The following SLC44A5 variants were observed in gnomAD, a reference collection of about 807,000 sequenced individuals.
SLC44A5 encodes solute carrier family 44 member 5.
SLC44A5 carries 57 observed loss-of-function variants against 101.8 expected under a neutral mutation model. That is an observed-to-expected ratio of 0.56 (90% CI 0.45 to 0.70). The LOEUF is 0.70. Among genes scored for constraint, SLC44A5 ranks in the 30% least tolerant of loss-of-function variants. The pLI is 0.00. For synonymous variants in SLC44A5, 281 were observed against 290.9 expected (o/e 0.97, Z 0.35); for missense variants, 737 against 853.1 (o/e 0.86, Z 1.70).
chr1:75,547,049 T>C (rs1177318804), intron 1 of SLC44A5, among the ~76,000 whole-genome samples: 1 of 152,172 alleles, frequency 6.6e-6, no homozygotes, highest in Non-Finnish European at 1.5e-5. Flanking sequence ...TCATGTTTTA[T>C]GAAAAGTTTA....
chr1:75,269,935 T>C (rs1651328470), intron 6 of SLC44A5, among the ~76,000 whole-genome samples: 1 of 152,176 alleles, frequency 6.6e-6, no homozygotes, highest in Non-Finnish European at 1.5e-5. Context: ...GTTTCTCCCA[T>C]GCAGTTCTGT....
At chr1:75,273,910 C>A (rs1405262452) in intron 6 of SLC44A5, among the ~76,000 whole-genome samples, 3 of 151,984 alleles carry the variant, frequency 2.0e-5, no homozygotes, top group Non-Finnish European at 4.4e-5. Context: ...TAGGAGGAGC[C>A]CCTCTTTCTC....
the SLC44A5 span, among the ~76,000 whole-genome samples, chr1:75,648,002 G>A: frequency 2.0e-5 from 3 of 152,178 alleles, no homozygotes; most frequent in African/African-American, 2.4e-5. Context: ...GATTTGGGAT[G>A]AGCCAGGAGT....
chr1:75,541,506 T>C lies in SLC44A5; in HGVS notation c.-59A>G. On this transcript the variant is annotated 5_prime_UTR_variant, in exon 2 of 24. Transcript: ENST00000370859. The stretch of plus-strand genomic sequence containing the variant: ...TGAATCACTGCAAACTTGAGTTGCT[T>C]AGAAAAGAGTCTGTGATAAAAACAA... The C allele has an allele frequency of 1.3e-6, 2 of 1,597,634 alleles. No homozygotes were observed. Among genetic ancestry groups the C allele is most frequent in the Non-Finnish European group, 1.7e-6 (2 of 1,173,026 alleles).
the SLC44A5 span, among the ~76,000 whole-genome samples, chr1:75,635,457 C>T: frequency 6.6e-6 from 1 of 151,880 alleles, no homozygotes; most frequent in African/African-American, 2.4e-5. Context: ...GGCACATATA[C>T]ACCATGGAAT....
At chr1:75,702,286 G>C in the SLC44A5 span, among the ~76,000 whole-genome samples, 1 of 152,168 alleles carries the variant, frequency 6.6e-6, no homozygotes, top group South Asian at 2.1e-4. Context: ...AACGAAAACA[G>C]CATGGTACTG....
intron 13 of SLC44A5, among the ~76,000 whole-genome samples, chr1:75,223,700 T>C (rs996694852): frequency 6.6e-6 from 1 of 152,188 alleles, no homozygotes; most frequent in Non-Finnish European, 1.5e-5. Context: ...ATCACTGAAA[T>C]TCTGACACAT....
chr1:75,363,724 AGAATATTTG>A (rs1346230111), intron 3 of SLC44A5, among the ~76,000 whole-genome samples: 4 of 152,344 alleles, frequency 2.6e-5, no homozygotes, highest in South Asian at 2.1e-4. Context: ...TTACAATATC[AGAATATTTG>A]GAATATAATT....
intron 3 of SLC44A5, among the ~76,000 whole-genome samples, chr1:75,373,500 C>T (rs892599540): frequency 6.6e-6 from 1 of 152,154 alleles, no homozygotes; most frequent in Non-Finnish European, 1.5e-5. Flanking sequence ...TGCATAGAAC[C>T]CTGAAGGTTT....
chr1:75,366,238 C>T (rs1659847703), intron 3 of SLC44A5, among the ~76,000 whole-genome samples: 2 of 152,148 alleles, frequency 1.3e-5, no homozygotes, highest in South Asian at 2.1e-4. Flanking sequence ...TGAAGTCCCT[C>T]AGCTTTTGTT....
chr1:75,512,571 T>G (rs12031093), intron 2 of SLC44A5, among the ~76,000 whole-genome samples: 1 of 152,210 alleles, frequency 6.6e-6, no homozygotes, highest in African/African-American at 2.4e-5. Flanking sequence ...GATGTTAAAG[T>G]ATGTGAGCAA....
intron 2 of SLC44A5, among the ~76,000 whole-genome samples, chr1:75,459,544 T>C (rs1666380686): frequency 6.6e-6 from 1 of 152,176 alleles, no homozygotes; most frequent in Admixed American, 6.5e-5. Context: ...AAGAAAGGTA[T>C]GGTAATTATT....
intron 4 of SLC44A5, among the ~76,000 whole-genome samples, chr1:75,325,575 A>T (rs1656518424): frequency 6.6e-6 from 1 of 152,122 alleles, no homozygotes; most frequent in Non-Finnish European, 1.5e-5. Context: ...AGACAATGAG[A>T]GAGAGAGATT....
At chr1:75,425,576 CAACTTAATTAAGA>C (rs1396574980) in intron 2 of SLC44A5, among the ~76,000 whole-genome samples, 1 of 151,898 alleles carries the variant, frequency 6.6e-6, no homozygotes, top group Admixed American at 6.6e-5. Flanking sequence ...ATAGACAGGC[CAACTTAATTAAGA>C]AACTTATTTT....
upstream of SLC44A5, among the ~76,000 whole-genome samples, chr1:75,614,269 T>C (rs138954296): frequency 2.3e-4 from 35 of 152,354 alleles, no homozygotes; most frequent in Admixed American, 1.9e-3. Flanking sequence ...TTTACTCGTG[T>C]ATCTCTATAC....
intron 2 of SLC44A5, among the ~76,000 whole-genome samples, chr1:75,523,972 A>T (rs146192567): frequency 1.9e-3 from 285 of 152,354 alleles, no homozygotes; most frequent in African/African-American, 6.2e-3. Flanking sequence ...AATCAGATAA[A>T]TCTGTTAAGA....
intron 2 of SLC44A5, among the ~76,000 whole-genome samples, chr1:75,398,170 C>T (rs115386687): frequency 1.5e-3 from 228 of 152,258 alleles, no homozygotes; most frequent in African/African-American, 5.4e-3. Flanking sequence ...GTTCCGAATA[C>T]ATTTTTAAAA....
At chr1:75,649,389 A>G in the SLC44A5 span, among the ~76,000 whole-genome samples, 2 of 152,170 alleles carry the variant, frequency 1.3e-5, no homozygotes, top group Non-Finnish European at 2.9e-5. Context: ...TGGATTGGAC[A>G]GTGATACAAG....
At chr1:75,425,496 G>C (rs1487868215) in intron 2 of SLC44A5, among the ~76,000 whole-genome samples, 1 of 152,170 alleles carries the variant, frequency 6.6e-6, no homozygotes, top group Admixed American at 6.5e-5. Context: ...GCAATCAAGG[G>C]ACCACAGCCT....
Sources: allele counts gnomAD v4.1 joint callset (sites outside exome capture counted in the v4.1 genomes callset), GRCh38; gene constraint gnomAD v4.1.1; transcripts MANE v1.5; gene names NCBI Gene and HGNC (gene_info 2026-07-23, HGNC 2026-07-21).